CRYBG3: variants seen among roughly 807,000 people sequenced by gnomAD.
CRYBG3 encodes the protein crystallin beta-gamma domain containing 3, also known as very large A-kinase anchor protein.
CRYBG3 carries 127 observed loss-of-function variants against 244.2 expected under a neutral mutation model. That is an observed-to-expected ratio of 0.52 (90% CI 0.45 to 0.60). The LOEUF is 0.60. CRYBG3 is among the 20% of genes least tolerant of loss of function. The pLI is 0.00. For synonymous variants in CRYBG3, 1,132 were observed against 1,195.8 expected (o/e 0.95, Z 1.10); for missense variants, 3,325 against 3,442.5 (o/e 0.97, Z 0.85).
At chr3:97,841,339 T>TATGTGTATATAC in intron 1 of CRYBG3, among the ~76,000 whole-genome samples, 1 of 150,934 alleles carries the variant, frequency 6.6e-6, no homozygotes, top group South Asian at 2.1e-4. Context: ...TATGTATATA[T>TATGTGTATATAC]GCATATATAT....
chr3:97,873,849 T>A lies in CRYBG3; in HGVS notation c.2655T>A (p.Arg885=). 1.3e-6 allele frequency: 2 copies of A among 1,534,848 alleles called. No homozygotes were observed. The highest frequency in any genetic ancestry group is 2.4e-5 in the South Asian group (2 of 83,714). Residue 885 remains arginine (R), a synonymous_variant, in exon 4 of 22, where the codon CGT becomes CGA. Transcript: ENST00000389622. Reference sequence around the variant, plus strand: ...TTCTAGAAGTTGAACAGGGCAAACGTTTTCAATCAATTAATCATAATGAGA... The same window carrying A: ...TTCTAGAAGTTGAACAGGGCAAACGATTTCAATCAATTAATCATAATGAGA... ...LTFLEVEQGK[R]FQSINHNEIG...
chr3:97,932,075 A>C, intron 17 of CRYBG3, among the ~76,000 whole-genome samples: 1 of 152,086 alleles, frequency 6.6e-6, no homozygotes, highest in East Asian at 1.9e-4. Flanking sequence ...ACTTAGTGAA[A>C]AACTTTGCTT....
chr3:97,894,003 ACTTCCTTGTC>A (rs2039611166), intron 11 of CRYBG3, among the ~76,000 whole-genome samples: 1 of 152,220 alleles, frequency 6.6e-6, no homozygotes, highest in Non-Finnish European at 1.5e-5. Flanking sequence ...TTAATCACTT[ACTTCCTTGTC>A]CTTCAATTTA....
intron 2 of CRYBG3, among the ~76,000 whole-genome samples, chr3:97,860,265 G>T (rs965743536): frequency 4.6e-5 from 7 of 152,278 alleles, no homozygotes; most frequent in African/African-American, 1.7e-4. Context: ...GTTTCAAGGT[G>T]GTAGAGATAC....
intron 1 of CRYBG3, chr3:97,840,746 A>G (rs2038799816): frequency 6.6e-6 from 1 of 152,154 alleles, no homozygotes; most frequent in Non-Finnish European, 1.5e-5. Flanking sequence ...TGAAGCATGA[A>G]CTAGGAGACT....
At chr3:97,908,411 C>A (rs982025547) in intron 15 of CRYBG3, among the ~76,000 whole-genome samples, 13 of 152,120 alleles carry the variant, frequency 8.5e-5, no homozygotes, top group Non-Finnish European at 1.6e-4. Context: ...TCAGGACTTG[C>A]TTTATGAATC....
In CRYBG3 at chr3:97,877,810, TC is replaced by T; in HGVS notation, c.6618del (p.Asn2207IlefsTer27). On this transcript the variant is annotated frameshift_variant, in exon 4 of 22. Coordinates refer to ENST00000389622, the MANE Select transcript of CRYBG3 (RefSeq NM_153605.4). LOFTEE classifies it high-confidence loss of function. ...SYVMPNEPTT[S>X]NLQVGLWPEK... Reference sequence around the variant, plus strand: ...TGTGATGCCAAATGAACCTACTACCTCCAATCTGCAAGTTGGTCTGTGGCCA... The same window carrying T: ...TGTGATGCCAAATGAACCTACTACCTCAATCTGCAAGTTGGTCTGTGGCCA... The T allele has an allele frequency of 2.5e-6, 4 of 1,614,012 alleles. No homozygotes were observed. The highest frequency in any genetic ancestry group is 3.4e-6 in the Non-Finnish European group (4 of 1,179,964).
intron 2 of CRYBG3, among the ~76,000 whole-genome samples, chr3:97,859,815 C>T (rs560568744): frequency 6.6e-6 from 1 of 152,224 alleles, no homozygotes; most frequent in East Asian, 1.9e-4. Context: ...CTCTCCTTGC[C>T]ACTTTACTTG....
At chr3:97,835,767 A>G (rs2038724032) in intron 1 of CRYBG3, among the ~76,000 whole-genome samples, 1 of 152,164 alleles carries the variant, frequency 6.6e-6, no homozygotes, top group Non-Finnish European at 1.5e-5. Flanking sequence ...GTGAGGGCAC[A>G]GTCTTGGGTC....
rs1203047017 is a variant in CRYBG3, at chr3:97,944,193, T to G, written c.*879T>G. ...ATTTGAACCTTGACCTTACCATCTC[T>G]TTAAGTAAACGTGGAGTTGATTTCT... On this transcript the variant is annotated 3_prime_UTR_variant, in exon 22 of 22. Coordinates refer to ENST00000389622, the MANE Select transcript of CRYBG3 (RefSeq NM_153605.4). The G allele has an allele frequency of 6.6e-6, 1 of 151,812 alleles. No individual in the cohort carries two copies. The highest frequency in any genetic ancestry group is 1.5e-5 in the Non-Finnish European group (1 of 67,868). 9.4% of individuals were successfully genotyped at this position (151,812 alleles called of 1,614,324 possible). A position where few individuals can be genotyped will look rare whatever the true frequency, so the allele number is the denominator to read the frequency against.
intron 1 of CRYBG3, among the ~76,000 whole-genome samples, chr3:97,824,205 G>A: frequency 6.6e-6 from 1 of 152,156 alleles, no homozygotes; most frequent in Non-Finnish European, 1.5e-5. Context: ...CCGCTTTATA[G>A]TACTGAATGT....
intron 2 of CRYBG3, among the ~76,000 whole-genome samples, chr3:97,844,633 G>A (rs568595469): frequency 1.5e-4 from 23 of 152,100 alleles, no homozygotes; most frequent in Middle Eastern, 3.4e-3. Context: ...GCTTATTTTA[G>A]CTATACTTTC....
chr3:97,875,305 A>G lies in CRYBG3; in HGVS notation c.4111A>G (p.Ile1371Val). The G allele has an allele frequency of 6.9e-7, 1 of 1,447,010 alleles. No homozygotes were observed. The highest frequency in any genetic ancestry group is 2.5e-5 in the East Asian group (1 of 39,980). 89.6% of individuals were successfully genotyped at this position (1,447,010 alleles called of 1,614,324 possible). The change falls in exon 4 of 22, where the codon ATT becomes GTT. Residue 1371 changes from isoleucine (I) to valine (V), a missense_variant. Coordinates refer to ENST00000389622, the MANE Select transcript of CRYBG3 (RefSeq NM_153605.4). ...ACAGCCAGTAAATCAAAGCACACAA[A>G]TTAGTGAAAATAAAGTATTAAATGA... is the stretch of plus-strand genomic sequence containing the variant. ...SEQPVNQSTQ[I>V]SENKVLNEFF...
At chr3:97,833,549 C>T (rs553334940) in intron 1 of CRYBG3, among the ~76,000 whole-genome samples, 3 of 152,026 alleles carry the variant, frequency 2.0e-5, no homozygotes, top group Non-Finnish European at 4.4e-5. Flanking sequence ...ACATCACACA[C>T]TAGAGCCTGT....
chr3:97,944,576 G>A lies in CRYBG3; in HGVS notation c.*1262G>A, dbSNP rs568694698. On this transcript the variant is annotated 3_prime_UTR_variant, in exon 22 of 22. Transcript: ENST00000389622. Reference sequence around the variant, plus strand: ...CCCACTATTTTGAGTATTTTTTATAGACTTTAAATACTGGGTTTTTTTCCT... The same window carrying A: ...CCCACTATTTTGAGTATTTTTTATAAACTTTAAATACTGGGTTTTTTTCCT... 1.3e-5 allele frequency: 2 copies of A among 152,184 alleles called. No individual in the cohort carries two copies. The highest frequency in any genetic ancestry group is 2.9e-5 in the Non-Finnish European group (2 of 67,858). 9.4% of individuals were successfully genotyped at this position (152,184 alleles called of 1,614,324 possible). A position where few individuals can be genotyped will look rare whatever the true frequency, so the allele number is the denominator to read the frequency against.
intron 17 of CRYBG3, among the ~76,000 whole-genome samples, chr3:97,931,255 T>TCAAACC (rs1210601987): frequency 2.6e-5 from 4 of 152,122 alleles, no homozygotes; most frequent in Non-Finnish European, 5.9e-5. Context: ...CTTCTGATTA[T>TCAAACC]CAAACCCAAA....
At chr3:97,922,608 C>T (rs1035127132) in intron 17 of CRYBG3, among the ~76,000 whole-genome samples, 2 of 152,172 alleles carry the variant, frequency 1.3e-5, no homozygotes, top group Non-Finnish European at 2.9e-5. Flanking sequence ...CACTGGCCAT[C>T]AGAGAAATGC....
At chr3:97,842,897 T>A (rs1461712460) in intron 1 of CRYBG3, among the ~76,000 whole-genome samples, 1 of 152,200 alleles carries the variant, frequency 6.6e-6, no homozygotes, top group Admixed American at 6.5e-5. Flanking sequence ...GCCAGTGTTA[T>A]GAAAGTAATA....
At chr3:97,910,253 C>T (rs2039851292) in intron 15 of CRYBG3, among the ~76,000 whole-genome samples, 1 of 152,098 alleles carries the variant, frequency 6.6e-6, no homozygotes, top group Non-Finnish European at 1.5e-5. Flanking sequence ...AGGCAGGCCT[C>T]CTTGAGCTGT....
Sources: gnomAD v4.1 joint callset for allele counts (sites outside exome capture counted in the v4.1 genomes callset) on GRCh38, gnomAD v4.1.1 for gene constraint, MANE v1.5 for transcripts, NCBI Gene and HGNC (gene_info 2026-07-23, HGNC 2026-07-21) for gene names.